The following CARF variants were observed in gnomAD, a reference collection of about 807,000 sequenced individuals.
The protein encoded by CARF is calcium-responsive transcription factor.
In CARF, 57 loss-of-function variants were observed where a neutral mutation model predicts 82.0. The observed-to-expected ratio is 0.70, with a 90% CI of 0.56 to 0.87. The LOEUF (loss-of-function observed/expected upper bound fraction) is 0.87. Among genes scored for constraint, CARF ranks in the 40% least tolerant of loss-of-function variants. CARF has a pLI of 0.00. For missense variants in CARF, 771 were observed against 855.8 expected, an observed-to-expected ratio of 0.90 and a Z score of 1.24; for synonymous variants, 268 against 290.1, an observed-to-expected ratio of 0.92 and a Z score of 0.77.
intron 3 of CARF, among the ~76,000 whole-genome samples, chr2:202,928,548 T>C (rs897930440): frequency 6.6e-6 from 1 of 152,206 alleles, no homozygotes; most frequent in African/African-American, 2.4e-5. Flanking sequence ...GTAATCTCTA[T>C]ACTGTTTTTC....
intron 5 of CARF, among the ~76,000 whole-genome samples, chr2:202,945,411 C>A (rs77410121): frequency 6.6e-6 from 1 of 152,076 alleles, no homozygotes; most frequent in South Asian, 2.1e-4. Context: ...TTTCATCCAC[C>A]CATGCATTAG....
chr2:202,976,698 C>G (rs1439852808), intron 13 of CARF, among the ~76,000 whole-genome samples: 1 of 145,434 alleles, frequency 6.9e-6, no homozygotes, highest in Non-Finnish European at 1.5e-5. Flanking sequence ...CTATTTCTTA[C>G]AATCCATAAC....
intron 3 of CARF, among the ~76,000 whole-genome samples, chr2:202,933,172 T>A (rs1011592784): frequency 2.0e-5 from 3 of 151,952 alleles, no homozygotes; most frequent in Non-Finnish European, 4.4e-5. Context: ...CACCTCTGCT[T>A]CCCCCGACCC....
intron 14 of CARF, 86 bp from the exon 15 acceptor site, chr2:202,981,469 C>T: frequency 1.0e-6 from 1 of 987,506 alleles, no homozygotes; most frequent in Non-Finnish European, 1.4e-6. Flanking sequence ...TATTTTAGTT[C>T]TGACAGAAAG....
chr2:202,914,323 T>C (rs1484268153), intron 1 of CARF, among the ~76,000 whole-genome samples: 1 of 152,190 alleles, frequency 6.6e-6, no homozygotes, highest in Non-Finnish European at 1.5e-5. Flanking sequence ...GACTATGCAT[T>C]AGGGCTTTGG....
chr2:202,956,267 A>G (rs2059037120), intron 8 of CARF, among the ~76,000 whole-genome samples: 2 of 151,744 alleles, frequency 1.3e-5, no homozygotes. Flanking sequence ...TTATTTATTT[A>G]TTTATTGAGA....
chr2:202,925,682 G>A lies in CARF; in HGVS notation c.-44+1267G>A. 3.0e-5 allele frequency: 6 copies of A among 200,132 alleles called. No homozygotes were observed. The South Asian group carries it at 4.2e-4, about 14-fold the overall frequency. 12.4% of individuals were successfully genotyped at this position (200,132 alleles called of 1,614,324 possible). On this transcript the variant is annotated intron_variant, in intron 3 of 16. Transcript: ENST00000438828. ...AGATGCTGAGTAGCAGGGGGAGCTG[G>A]CCATTAAGGATGCCAGTGCCAAGCT...
intron 1 of CARF, among the ~76,000 whole-genome samples, chr2:202,913,785 C>T (rs934356320): frequency 6.6e-6 from 1 of 152,158 alleles, no homozygotes; most frequent in Non-Finnish European, 1.5e-5. Context: ...CAGGTTAATA[C>T]ATTTTTATCA....
At chr2:202,926,257 G>A (rs898257576) in intron 3 of CARF, among the ~76,000 whole-genome samples, 1 of 152,116 alleles carries the variant, frequency 6.6e-6, no homozygotes, top group African/African-American at 2.4e-5. Context: ...GTTCCTAGAC[G>A]ACCGCCTCTT....
chr2:202,925,092 G>T, intron 3 of CARF: 3 of 407,156 alleles, frequency 7.4e-6, no homozygotes, highest in East Asian at 6.5e-5. Flanking sequence ...AGCAGCAACT[G>T]GACACACTGA....
intron 13 of CARF, 32 bp from the exon 14 acceptor site, chr2:202,977,237 T>C: frequency 3.3e-6 from 5 of 1,525,992 alleles, no homozygotes; most frequent in Non-Finnish European, 4.5e-6. Context: ...ATAAGAGCTT[T>C]ATTTTTACTG....
intron 3 of CARF, among the ~76,000 whole-genome samples, chr2:202,933,617 A>G (rs990556653): frequency 6.6e-6 from 1 of 151,616 alleles, no homozygotes; most frequent in African/African-American, 2.4e-5. Context: ...TCCATTCTCT[A>G]TGTGGCCATC....
At chr2:202,953,680 A>C (rs1206556176) in intron 6 of CARF, among the ~76,000 whole-genome samples, 1 of 152,010 alleles carries the variant, frequency 6.6e-6, no homozygotes, top group Non-Finnish European at 1.5e-5. Context: ...CATAGATTGC[A>C]GAAAACATTA....
At chr2:202,943,145 C>T (rs1256737608) in intron 5 of CARF, among the ~76,000 whole-genome samples, 178 bp downstream of exon 5, 2 of 152,146 alleles carry the variant, frequency 1.3e-5, no homozygotes, top group Non-Finnish European at 2.9e-5. Flanking sequence ...AATCTTGGTT[C>T]ACTGCAACCT....
At chr2:202,978,843 A>G (rs1190681194) in intron 14 of CARF, among the ~76,000 whole-genome samples, 2 of 152,210 alleles carry the variant, frequency 1.3e-5, no homozygotes, top group Non-Finnish European at 2.9e-5. Context: ...GGATGGGGGA[A>G]GAATTTTATT....
chr2:202,949,978 G>A (rs1374721852), intron 5 of CARF, among the ~76,000 whole-genome samples: 1 of 152,178 alleles, frequency 6.6e-6, no homozygotes, highest in African/African-American at 2.4e-5. Context: ...TACACAAAGG[G>A]CCTAGTAGGT....
chr2:202,983,807 T>G lies in CARF; in HGVS notation c.*183T>G, dbSNP rs909892201. ...ATTTTTACCTTCCTTAAGAGATGTT[T>G]TACTCTTCTTATTTTGTATAATTTT... is the stretch of plus-strand genomic sequence containing the variant. On this transcript the variant is annotated 3_prime_UTR_variant, in exon 17 of 17. Transcript: ENST00000438828. 1 of 528,732 alleles carries G rather than the reference T, an allele frequency of 1.9e-6. No individual in the cohort carries two copies. Among genetic ancestry groups the G allele is most frequent in the Non-Finnish European group, 3.3e-6 (1 of 305,616 alleles). 32.8% of individuals were successfully genotyped at this position (528,732 alleles called of 1,614,324 possible).
At chr2:202,948,798 A>C (rs558462178) in intron 5 of CARF, among the ~76,000 whole-genome samples, 1 of 152,282 alleles carries the variant, frequency 6.6e-6, no homozygotes, top group African/African-American at 2.4e-5. Context: ...GCAAACAAGG[A>C]TAGTCCAACT....
Position 202,954,023 on chromosome 2 carries a change from C to T in CARF, c.446C>T (p.Pro149Leu). ...TGTTAAGATGTCCCTGAAGAGAAAC[C>T]CAGTAACAGAAACTTACCAACTGTA... is the stretch of plus-strand genomic sequence containing the variant. ...NSPRDVPEEK[P>L]SNRNLPTVRV... Residue 149 changes from proline (P) to leucine (L), a missense_variant, in exon 7 of 17, where the codon CCC becomes CTC. Transcript: ENST00000438828. The T allele has an allele frequency of 6.2e-7, 1 of 1,606,232 alleles. No homozygotes were observed. Among genetic ancestry groups the T allele is most frequent in the South Asian group, 1.1e-5 (1 of 89,362 alleles).
Sources: allele counts gnomAD v4.1 joint callset (sites outside exome capture counted in the v4.1 genomes callset), GRCh38; gene constraint gnomAD v4.1.1; transcripts MANE v1.5; gene names NCBI Gene and HGNC (gene_info 2026-07-23, HGNC 2026-07-21).